SLC8A1: variants seen among roughly 807,000 people sequenced by gnomAD.
SLC8A1 encodes the protein solute carrier family 8 member A1, also known as sodium/calcium exchanger 1.
SLC8A1 carries 18 observed loss-of-function variants against 68.3 expected under a neutral mutation model. That is an observed-to-expected ratio of 0.26 (90% CI 0.18 to 0.39). The LOEUF (loss-of-function observed/expected upper bound fraction) is 0.39, where lower values mean the gene tolerates loss of function less well. Ranked by LOEUF, SLC8A1 falls within the 10% of genes least tolerant of loss-of-function variation. SLC8A1 has a pLI of 1.00. For missense variants in SLC8A1, 985 were observed against 1,156.7 expected (o/e 0.85, Z 2.15); for synonymous variants, 475 against 415.5 (o/e 1.14, Z -1.74).
At chr2:40,100,714 C>T (rs554667239) in exon 8 of SLC8A1, 3 of 152,120 alleles carry the variant, frequency 2.0e-5, no homozygotes, top group African/African-American at 7.2e-5. Flanking sequence ...GGAAAAGAGC[C>T]GATGAGAAAA....
rs6720090 is a variant in SLC8A1 at position 40,226,513 on chromosome 2, G to T, written c.1809-48658C>A. On this transcript the variant is annotated intron_variant, in intron 2 of 7. Transcript: ENST00000406785. ...GAGAATAATCTGGTTTCTGTACACA[G>T]ATCTTGCCTCTAAATCCTTGCTCTA... Among the ~76,000 whole-genome samples the T allele has an allele frequency of 2.4e-3, 358 of 152,234 alleles. 4 individuals are homozygous for T. Among genetic ancestry groups the T allele is most frequent in the African/African-American group, 8.2e-3 (342 of 41,562 alleles).
intron 1 of SLC8A1, among the ~76,000 whole-genome samples, chr2:40,512,188 A>G (rs1448730329): frequency 1.3e-5 from 2 of 152,200 alleles, no homozygotes; most frequent in East Asian, 3.9e-4. Flanking sequence ...CAGAGCTGTT[A>G]AATACCTCTT....
intron 1 of SLC8A1, among the ~76,000 whole-genome samples, chr2:40,472,051 G>T (rs1227405918): frequency 2.0e-5 from 3 of 152,130 alleles, no homozygotes; most frequent in Non-Finnish European, 4.4e-5. Context: ...TCTGAACCGG[G>T]GGAATTGTAA....
At chr2:40,164,498 G>A (rs2046220535) in intron 5 of SLC8A1, among the ~76,000 whole-genome samples, 1 of 152,162 alleles carries the variant, frequency 6.6e-6, no homozygotes, top group African/African-American at 2.4e-5. Flanking sequence ...AGATTTATTA[G>A]CATTTTCAAA....
chr2:40,374,630 G>A (rs1051149607), intron 2 of SLC8A1, among the ~76,000 whole-genome samples: 6 of 151,978 alleles, frequency 3.9e-5, no homozygotes, highest in Non-Finnish European at 8.8e-5. Flanking sequence ...CTTTGTTGGT[G>A]ATAAAGTGAA....
At chr2:40,305,406 A>G (rs943750576) in intron 2 of SLC8A1, among the ~76,000 whole-genome samples, 4 of 152,204 alleles carry the variant, frequency 2.6e-5, no homozygotes, top group South Asian at 2.1e-4. Flanking sequence ...GCATCTTCCC[A>G]GTTTTGACAA....
intron 7 of SLC8A1, among the ~76,000 whole-genome samples, chr2:40,120,541 G>T (rs753437382): frequency 6.6e-6 from 1 of 152,092 alleles, no homozygotes; most frequent in Non-Finnish European, 1.5e-5. Flanking sequence ...TGTTTGGGTG[G>T]TGCACAGAAT....
rs145036509 is a variant in SLC8A1 at position 40,474,516 on chromosome 2, C to T, written c.-25+37833G>A. On this transcript the variant is annotated intron_variant, in intron 1 of 7. Coordinates refer to the SLC8A1 transcript ENST00000402441. Reference sequence around the variant, plus strand: ...AGCTTCCCCTTTTAATGTCAGCTTCCCCGTTTTCTTCCAGAGTTCCTGCTA... The same window carrying T: ...AGCTTCCCCTTTTAATGTCAGCTTCTCCGTTTTCTTCCAGAGTTCCTGCTA... Among the ~76,000 whole-genome samples, 7 of 152,228 alleles carry T rather than the reference C, an allele frequency of 4.6e-5. No homozygotes were observed. In the East Asian group the frequency reaches 1.4e-3, roughly 29 times the overall value.
At chr2:40,438,481 C>T (rs1413469749) in intron 1 of SLC8A1, among the ~76,000 whole-genome samples, 1 of 152,106 alleles carries the variant, frequency 6.6e-6, no homozygotes, top group Non-Finnish European at 1.5e-5. Flanking sequence ...GTGCAAAGCA[C>T]CATAACAGAC....
chr2:40,210,744 A>T (rs1007345452), intron 2 of SLC8A1, among the ~76,000 whole-genome samples: 1 of 152,138 alleles, frequency 6.6e-6, no homozygotes, highest in Non-Finnish European at 1.5e-5. Context: ...CACACTGGGA[A>T]ATGGTTTCTG....
At chr2:40,119,288 G>C (rs931697633) in intron 7 of SLC8A1, among the ~76,000 whole-genome samples, 7 of 151,650 alleles carry the variant, frequency 4.6e-5, no homozygotes, top group African/African-American at 1.7e-4. Flanking sequence ...ACTTGGGTTA[G>C]ACATCAGGCC....
At chr2:40,425,787 A>G (rs1218910765) in intron 2 of SLC8A1, among the ~76,000 whole-genome samples, 1 of 151,958 alleles carries the variant, frequency 6.6e-6, no homozygotes, top group Non-Finnish European at 1.5e-5. Context: ...GACAACTGCC[A>G]AAGGAAAAAT....
chr2:40,250,684 C>G (rs1388947562), intron 2 of SLC8A1, among the ~76,000 whole-genome samples: 4 of 152,138 alleles, frequency 2.6e-5, no homozygotes, highest in Admixed American at 1.3e-4. Flanking sequence ...TAACTTTCTC[C>G]TAGCCAAGGA....
At chr2:40,388,801 A>G (rs1684399914) in intron 2 of SLC8A1, among the ~76,000 whole-genome samples, 1 of 152,180 alleles carries the variant, frequency 6.6e-6, no homozygotes, top group Admixed American at 6.5e-5. Context: ...AAAAAAGTAA[A>G]TAAATCAAAA....
At chr2:40,489,771 C>T (rs1705198873) in intron 1 of SLC8A1, among the ~76,000 whole-genome samples, 1 of 151,986 alleles carries the variant, frequency 6.6e-6, no homozygotes, top group African/African-American at 2.4e-5. Context: ...TTCTTGACCA[C>T]ATTCCCTGGG....
chr2:40,099,470 C>T (rs1315753693), exon 8 of SLC8A1: 1 of 152,002 alleles, frequency 6.6e-6, no homozygotes, highest in Non-Finnish European at 1.5e-5. Context: ...ACTTTAGGAT[C>T]AACTACGGGA....
At chr2:40,478,660 C>T (rs1397218901) in intron 1 of SLC8A1, among the ~76,000 whole-genome samples, 1 of 151,926 alleles carries the variant, frequency 6.6e-6, no homozygotes, top group Non-Finnish European at 1.5e-5. Flanking sequence ...GTTCCAAAAT[C>T]TCTCATAGAC....
At chr2:40,264,357 C>T (rs1325274827) in intron 2 of SLC8A1, among the ~76,000 whole-genome samples, 29 of 152,046 alleles carry the variant, frequency 1.9e-4, no homozygotes, top group Non-Finnish European at 8.8e-5. Context: ...TGGGTATATA[C>T]CCAAAGGATT....
At chr2:40,121,264 A>T (rs11687766) in intron 7 of SLC8A1, among the ~76,000 whole-genome samples, 58,801 of 152,040 alleles carry the variant, frequency 0.39, 12,153 homozygotes, top group Middle Eastern at 0.5. Flanking sequence ...ATTTATACCA[A>T]GGCTTGAGAA....
Sources: gnomAD v4.1 joint callset for allele counts (sites outside exome capture counted in the v4.1 genomes callset) on GRCh38, gnomAD v4.1.1 for gene constraint, MANE v1.5 for transcripts, NCBI Gene and HGNC (gene_info 2026-07-23, HGNC 2026-07-21) for gene names.